NFASC: variants seen among roughly 807,000 people sequenced by gnomAD.
NFASC encodes neurofascin.
Under a neutral mutation model 147.5 loss-of-function variants are expected in NFASC, and 43 were observed. That is an observed-to-expected ratio of 0.29 (90% CI 0.23 to 0.38). The LOEUF is 0.38. Ranked by LOEUF, NFASC falls within the 10% of genes least tolerant of loss-of-function variation. NFASC has a pLI of 1.00. For synonymous variants in NFASC, 622 were observed against 665.5 expected (o/e 0.93, Z 1.01); for missense variants, 1,320 against 1,689.0 (o/e 0.78, Z 3.83).
intron 1 of NFASC, among the ~76,000 whole-genome samples, chr1:204,867,660 T>TAC (rs962210250): frequency 6.7e-5 from 10 of 150,154 alleles, no homozygotes; most frequent in South Asian, 2.1e-4. Context: ...CCAACACGCT[T>TAC]ACACACACAC....
At chr1:204,949,564 C>A (rs1323647749) in intron 3 of NFASC, among the ~76,000 whole-genome samples, 1 of 152,236 alleles carries the variant, frequency 6.6e-6, no homozygotes, top group African/African-American at 2.4e-5. Context: ...AACACATGTT[C>A]CCTTTTCTGC....
rs534639108 is a variant in NFASC, at chr1:204,975,885, C to G, written c.1706+467C>G. Among the ~76,000 whole-genome samples the G allele has an allele frequency of 1.3e-3, 199 of 152,294 alleles. No homozygotes were observed. The highest frequency in any genetic ancestry group is 2.2e-3 in the Non-Finnish European group (151 of 68,014). On this transcript the variant is annotated intron_variant, in intron 15 of 29. Coordinates refer to ENST00000339876, the MANE Select transcript of NFASC (RefSeq NM_001005388.3). The surrounding 1 kb of genome is among the most constrained non-coding windows in gnomAD (Gnocchi z 4.0). Reference sequence around the variant, plus strand: ...GAACCTGGCATGCTTTTACCACACCCACGCCTGCCCCGCTCCTCAGACCCT... The same window carrying G: ...GAACCTGGCATGCTTTTACCACACCGACGCCTGCCCCGCTCCTCAGACCCT...
Position 204,961,687 on chromosome 1 carries a change from T to C in NFASC, c.706+3861T>C, listed in dbSNP as rs148956384. On this transcript the variant is annotated intron_variant, in intron 8 of 29. Transcript: ENST00000339876. ...GAGCTCACTAACACTCCTTTCTCTT[T>C]AGCTGCTCCAAGAGCTAGCCTGACC... Among the ~76,000 whole-genome samples, 64 of 152,382 alleles carry C rather than the reference T, an allele frequency of 4.2e-4. 1 individual carries two copies. Among genetic ancestry groups the C allele is most frequent in the African/African-American group, 1.3e-3 (56 of 41,594 alleles).
At chr1:205,001,469 G>A (rs943589890) in intron 26 of NFASC, among the ~76,000 whole-genome samples, 183 bp downstream of exon 26, 34 of 152,150 alleles carry the variant, frequency 2.2e-4, no homozygotes, top group Non-Finnish European at 1.2e-4. Flanking sequence ...GGGAGGAACA[G>A]GCTCAAGGAA....
chr1:204,982,139 A>G (rs1307095039), intron 21 of NFASC, 119 bp downstream of exon 21: 3 of 605,826 alleles, frequency 5.0e-6, no homozygotes, highest in Admixed American at 3.9e-5. Flanking sequence ...CCCAGGAAGG[A>G]AAAATGTTCT....
chr1:205,014,618 A>G (rs1375943138), intron 29 of NFASC, among the ~76,000 whole-genome samples: 1 of 152,044 alleles, frequency 6.6e-6, no homozygotes, highest in Non-Finnish European at 1.5e-5. Flanking sequence ...GTTTCTTTCA[A>G]GCTTCCCTTA....
At chr1:204,859,490 C>T (rs529562798) in intron 1 of NFASC, among the ~76,000 whole-genome samples, 1 of 152,308 alleles carries the variant, frequency 6.6e-6, no homozygotes. Flanking sequence ...AGCTCCATGG[C>T]AGGGATTCTG....
intron 1 of NFASC, among the ~76,000 whole-genome samples, chr1:204,903,143 G>T (rs546908989): frequency 6.6e-6 from 1 of 152,154 alleles, no homozygotes; most frequent in Non-Finnish European, 1.5e-5. Context: ...CACAAGTTTT[G>T]ACCAATTTTA....
chr1:204,981,926 A>C lies in NFASC; in HGVS notation c.2376A>C (p.Pro792=), dbSNP rs778987224. 8 of 1,609,606 alleles carry C rather than the reference A, an allele frequency of 5.0e-6. No homozygotes were observed. The African/African-American group carries it at 6.7e-5, about 13-fold the overall frequency. The change falls in exon 21 of 30, where the codon CCA becomes CCC. Residue 792 remains proline, a synonymous_variant. Transcript: ENST00000339876. ...CTCGCTACGTGGTGGGGCAGACCCC[A>C]GTCTACGTGCCCTATGAGATCCGAG... The part of the protein sequence containing the change: ...WGSRYVVGQT[P]VYVPYEIRVQ...
At chr1:204,935,020 A>G (rs1161760679) in intron 2 of NFASC, among the ~76,000 whole-genome samples, 1 of 152,238 alleles carries the variant, frequency 6.6e-6, no homozygotes, top group Non-Finnish European at 1.5e-5. Flanking sequence ...TTGGGGAAAC[A>G]GACAATTAAT....
chr1:204,881,447 G>C (rs2080208305), intron 1 of NFASC, among the ~76,000 whole-genome samples: 1 of 152,212 alleles, frequency 6.6e-6, no homozygotes, highest in African/African-American at 2.4e-5. Context: ...GAGCCTGCTA[G>C]GCTAATGCTA....
chr1:204,946,262 A>G (rs2093721651), intron 3 of NFASC: 1 of 488,884 alleles, frequency 2.0e-6, no homozygotes, highest in South Asian at 1.5e-5. Context: ...GTCATGCACC[A>G]GGAAGTGAGC....
chr1:204,959,204 C>T (rs543601207), intron 8 of NFASC, among the ~76,000 whole-genome samples: 69 of 152,164 alleles, frequency 4.5e-4, no homozygotes, highest in South Asian at 2.1e-4. Flanking sequence ...CTCTAATCAT[C>T]GCCTCCTGCC....
intron 24 of NFASC, among the ~76,000 whole-genome samples, chr1:204,996,566 C>T (rs1038684803): frequency 5.9e-5 from 9 of 152,226 alleles, no homozygotes; most frequent in Admixed American, 3.3e-4. Context: ...CGGAGGAGGG[C>T]GAGGGCAGGC....
chr1:204,908,006 G>A (rs2086374727), intron 1 of NFASC, among the ~76,000 whole-genome samples: 1 of 152,180 alleles, frequency 6.6e-6, no homozygotes, highest in Non-Finnish European at 1.5e-5. Context: ...TTTTGAGACA[G>A]GGTCTTGTTC....
At chr1:204,843,426 A>G (rs1675940529) in intron 1 of NFASC, among the ~76,000 whole-genome samples, 1 of 152,200 alleles carries the variant, frequency 6.6e-6, no homozygotes, top group African/African-American at 2.4e-5. Flanking sequence ...TGATGTTGAT[A>G]TAATCCACTG....
At chr1:204,843,606 T>C (rs1284477951) in intron 1 of NFASC, among the ~76,000 whole-genome samples, 16 of 80,756 alleles carry the variant, frequency 2.0e-4, no homozygotes, top group African/African-American at 8.1e-4. Context: ...CTTCCTTCCT[T>C]CCTTCCTTCC....
At chr1:204,955,263 T>C (rs1283160619) in intron 7 of NFASC, among the ~76,000 whole-genome samples, 5 of 152,144 alleles carry the variant, frequency 3.3e-5, no homozygotes, top group Non-Finnish European at 7.3e-5. Flanking sequence ...ATTATAAGAA[T>C]AAATGAGTCA....
intron 7 of NFASC, among the ~76,000 whole-genome samples, chr1:204,956,818 C>T (rs7516408): frequency 0.24 from 37,076 of 151,872 alleles, 4,889 homozygotes; most frequent in African/African-American, 0.3. Flanking sequence ...AGGAAGGAGA[C>T]AGCTGTGAGT....
Sources: gnomAD v4.1 joint callset for allele counts (sites outside exome capture counted in the v4.1 genomes callset) on GRCh38, gnomAD v4.1.1 for gene constraint, Gnocchi (gnomAD v3.1) non-coding constraint, MANE v1.5 for transcripts, NCBI Gene and HGNC (gene_info 2026-07-23, HGNC 2026-07-21) for gene names.